Variants in CTDSP2 observed in about 807,000 individuals in gnomAD.
CTDSP2 encodes CTD small phosphatase 2.
Under a neutral mutation model 31.6 loss-of-function variants are expected in CTDSP2, and 9 were observed. That is an observed-to-expected ratio of 0.28 (90% CI 0.17 to 0.50). The LOEUF is 0.50. Ranked by LOEUF, CTDSP2 falls within the 20% of genes least tolerant of loss-of-function variation. The pLI is 0.98. For synonymous variants in CTDSP2, 134 were observed against 134.5 expected (o/e 1.00, Z 0.03); for missense variants, 267 against 348.5 (o/e 0.77, Z 1.86).
intron 2 of CTDSP2, among the ~76,000 whole-genome samples, chr12:57,828,887 T>C (rs1443271077): frequency 6.6e-6 from 1 of 152,250 alleles, no homozygotes; most frequent in Non-Finnish European, 1.5e-5. Context: ...CCAAATGCCT[T>C]GCATGAGTAT....
In CTDSP2 at chr12:57,839,285, C is replaced by T. The variant is rs547306262; in HGVS notation, c.64+7087G>A. On this transcript the variant is annotated intron_variant, in intron 1 of 7. Coordinates refer to ENST00000398073, the MANE Select transcript of CTDSP2 (RefSeq NM_005730.4). ...CTCCAGTTCAGCTTTTCAACAGTTC[C>T]GTGGCCTTGCTAGGGCACAATTCTC... Among the ~76,000 whole-genome samples, 9 of 152,168 alleles carry T rather than the reference C, an allele frequency of 5.9e-5. No homozygotes were observed. In the South Asian group the frequency reaches 1.2e-3, roughly 21 times the overall value.
At chr12:57,840,222 T>TG (rs528605417) in intron 1 of CTDSP2, among the ~76,000 whole-genome samples, 33 of 152,228 alleles carry the variant, frequency 2.2e-4, no homozygotes, top group Middle Eastern at 3.4e-3. Flanking sequence ...AGATCCCAGG[T>TG]GGGGGGTCTG....
intron 1 of CTDSP2, among the ~76,000 whole-genome samples, chr12:57,832,023 G>A (rs968933482): frequency 6.6e-6 from 1 of 152,218 alleles, no homozygotes; most frequent in South Asian, 2.1e-4. Context: ...AGTTGGACAA[G>A]TATAGTCAGC....
In CTDSP2 at chr12:57,823,162, T is replaced by A. The variant is rs1215303630; in HGVS notation, c.*440A>T. 1 of 179,518 alleles carries A rather than the reference T, an allele frequency of 5.6e-6. No homozygotes were observed. The highest frequency in any genetic ancestry group is 2.3e-5 in the African/African-American group (1 of 42,818). The allele number at this position is 179,518 out of a possible 1,614,324, so 11.1% of individuals were successfully genotyped here. Reference sequence around the variant, plus strand: ...GCATACCCTTCCTTTATCCTTGGCATAGGCCTTACAACACTGAGGAAAGGC... The same window carrying A: ...GCATACCCTTCCTTTATCCTTGGCAAAGGCCTTACAACACTGAGGAAAGGC... On this transcript the variant is annotated 3_prime_UTR_variant, in exon 8 of 8. Coordinates refer to ENST00000398073, the MANE Select transcript of CTDSP2 (RefSeq NM_005730.4).
At chr12:57,842,437 C>A (rs1956288152) in intron 1 of CTDSP2, 1 of 152,244 alleles carries the variant, frequency 6.6e-6, no homozygotes, top group Non-Finnish European at 1.5e-5. Context: ...AACACCCCCA[C>A]CTCTGCCATC....
chr12:57,835,328 C>CAA (rs34407793), intron 1 of CTDSP2, among the ~76,000 whole-genome samples: 7 of 137,884 alleles, frequency 5.1e-5, no homozygotes, highest in East Asian at 4.3e-4. Flanking sequence ...AAATCCGTCT[C>CAA]AAAAAAAAAA....
At chr12:57,842,747 CA>C (rs1025120319) in intron 1 of CTDSP2, 15 of 152,552 alleles carry the variant, frequency 9.8e-5, no homozygotes, top group African/African-American at 3.6e-4. Flanking sequence ...GAGGCACCAG[CA>C]GGGCAGGAGG....
In CTDSP2 at chr12:57,821,874, G is replaced by C. The variant is rs1274844698; in HGVS notation, c.*1728C>G. On this transcript the variant is annotated 3_prime_UTR_variant, in exon 8 of 8. Coordinates refer to ENST00000398073, the MANE Select transcript of CTDSP2 (RefSeq NM_005730.4). ...AAGGGAAGGTGGCACCACAACGCTA[G>C]AGAAAAATGCCAGCCAGCCACCGCT... is the stretch of plus-strand genomic sequence containing the variant. The C allele has an allele frequency of 1.3e-5, 2 of 152,258 alleles. No individual in the cohort carries two copies. The highest frequency in any genetic ancestry group is 2.9e-5 in the Non-Finnish European group (2 of 68,092). 9.4% of individuals were successfully genotyped at this position (152,258 alleles called of 1,614,324 possible).
At chr12:57,832,973 A>G (rs1287006803) in intron 1 of CTDSP2, among the ~76,000 whole-genome samples, 1 of 152,146 alleles carries the variant, frequency 6.6e-6, no homozygotes, top group Non-Finnish European at 1.5e-5. Context: ...ACAGACGCTG[A>G]CACAAAGCTC....
chr12:57,831,506 G>A (rs1041024720), intron 1 of CTDSP2, among the ~76,000 whole-genome samples: 1 of 152,156 alleles, frequency 6.6e-6, no homozygotes, highest in Admixed American at 6.5e-5. Context: ...GAAATTTTCT[G>A]ATGACTGTTG....
chr12:57,845,592 G>C (rs893447865), intron 1 of CTDSP2: 3 of 152,142 alleles, frequency 2.0e-5, no homozygotes, highest in African/African-American at 4.8e-5. Flanking sequence ...ATGTAACCAG[G>C]GACACCGCTC....
chr12:57,823,798 G>A, intron 7 of CTDSP2, 71 bp from the exon 8 acceptor site: 1 of 1,610,100 alleles, frequency 6.2e-7, no homozygotes, highest in Non-Finnish European at 8.5e-7. Flanking sequence ...GAGCCCTAGA[G>A]GGTGGCTGGG....
rs796783915 is a variant in CTDSP2, at chr12:57,823,070, G to C, written c.*532C>G. ...CAAGTTCTCATCTTCCCAGAAATGTGATCTTTTGTCTGCAGCAGCTGGCTG... is the reference window on the plus strand; with the variant it reads ...CAAGTTCTCATCTTCCCAGAAATGTCATCTTTTGTCTGCAGCAGCTGGCTG... On this transcript the variant is annotated 3_prime_UTR_variant, in exon 8 of 8. Coordinates refer to ENST00000398073, the MANE Select transcript of CTDSP2 (RefSeq NM_005730.4). 6.4e-6 allele frequency: 1 copy of C among 156,716 alleles called. No homozygotes were observed. The highest frequency in any genetic ancestry group is 2.4e-5 in the African/African-American group (1 of 41,500). The allele number at this position is 156,716 out of a possible 1,614,324, so 9.7% of individuals were successfully genotyped here.
chr12:57,840,261 T>C (rs1956274529), intron 1 of CTDSP2, among the ~76,000 whole-genome samples: 2 of 152,216 alleles, frequency 1.3e-5, no homozygotes, highest in South Asian at 4.1e-4. Flanking sequence ...CAGGAGACTC[T>C]GATGTGTGTC....
intron 1 of CTDSP2, among the ~76,000 whole-genome samples, chr12:57,832,206 CTT>C (rs1459691776): frequency 6.6e-6 from 1 of 152,210 alleles, no homozygotes; most frequent in African/African-American, 2.4e-5. Flanking sequence ...CCATTGGAAA[CTT>C]TTTAGAAAAT....
chr12:57,832,675 C>T (rs1343298215), intron 1 of CTDSP2, among the ~76,000 whole-genome samples: 1 of 150,852 alleles, frequency 6.6e-6, no homozygotes. Flanking sequence ...ACCTGTAGTC[C>T]CAGCTACCTG....
chr12:57,836,789 G>T (rs748411012), intron 1 of CTDSP2, among the ~76,000 whole-genome samples: 7 of 152,176 alleles, frequency 4.6e-5, no homozygotes, highest in Non-Finnish European at 8.8e-5. Context: ...ACAGCTTTGT[G>T]TCCCAGCAAA....
At chr12:57,837,762 C>T (rs1040965666) in intron 1 of CTDSP2, among the ~76,000 whole-genome samples, 4 of 151,932 alleles carry the variant, frequency 2.6e-5, no homozygotes, top group Non-Finnish European at 4.4e-5. Flanking sequence ...TGGCCCATAC[C>T]AGCATGTTGT....
At chr12:57,845,965 G>A (rs939132359) in intron 1 of CTDSP2, among the ~76,000 whole-genome samples, 4 of 152,142 alleles carry the variant, frequency 2.6e-5, no homozygotes, top group African/African-American at 9.7e-5. Flanking sequence ...TCCACCTGGG[G>A]CTCCCTCTGT....
Sources: allele counts gnomAD v4.1 joint callset (sites outside exome capture counted in the v4.1 genomes callset), GRCh38; gene constraint gnomAD v4.1.1; transcripts MANE v1.5; gene names NCBI Gene and HGNC (gene_info 2026-07-23, HGNC 2026-07-21).